RECK: variants seen among roughly 807,000 people sequenced by gnomAD.
The protein encoded by RECK is reversion inducing cysteine rich protein with kazal motifs.
Under a neutral mutation model 115.1 loss-of-function variants are expected in RECK, and 69 were observed. The observed-to-expected ratio is 0.60, with a 90% CI of 0.49 to 0.73. RECK has a LOEUF of 0.73. RECK is among the 30% of genes least tolerant of loss of function. RECK has a pLI of 0.00. For missense variants in RECK, 1,047 were observed against 1,203.7 expected, an observed-to-expected ratio of 0.87 and a Z score of 1.93; for synonymous variants, 414 against 419.7, an observed-to-expected ratio of 0.99 and a Z score of 0.17.
intron 18 of RECK, 134 bp downstream of exon 18, chr9:36,119,101 TACTC>T: frequency 1.2e-6 from 1 of 858,874 alleles, no homozygotes; most frequent in South Asian, 1.8e-5. Context: ...ATGCTGATCA[TACTC>T]ACTACTTTGG....
chr9:36,065,758 A>C (rs1366874305), intron 6 of RECK, 134 bp downstream of exon 6: 1 of 600,574 alleles, frequency 1.7e-6, no homozygotes, highest in East Asian at 3.5e-5. Flanking sequence ...TGCATTGACA[A>C]AAATGTCATT....
intron 13 of RECK, 22 bp downstream of exon 13, chr9:36,105,305 G>A (rs200257215): frequency 4.5e-5 from 72 of 1,612,812 alleles, no homozygotes; most frequent in Non-Finnish European, 5.7e-5. Context: ...GTGGGTGTGA[G>A]AAGAGGATGG....
chr9:36,085,983 A>G (rs1364909074), intron 8 of RECK: 1 of 152,012 alleles, frequency 6.6e-6, no homozygotes, highest in Non-Finnish European at 1.5e-5. Context: ...AAAAGCAGAA[A>G]GAGGTTTTAA....
intron 1 of RECK, among the ~76,000 whole-genome samples, chr9:36,048,246 A>G (rs1028302324): frequency 1.3e-5 from 2 of 150,116 alleles, no homozygotes; most frequent in African/African-American, 2.5e-5. Context: ...TGACTTGCCA[A>G]TTCTAGACAG....
intron 10 of RECK, among the ~76,000 whole-genome samples, chr9:36,095,967 C>A (rs1588322206): frequency 6.7e-6 from 1 of 149,596 alleles, no homozygotes; most frequent in Non-Finnish European, 1.5e-5. Context: ...ACTTGGGAGG[C>A]TGAGGCAGGA....
chr9:36,037,565 G>A (rs1343947346), intron 1 of RECK, among the ~76,000 whole-genome samples: 1 of 151,890 alleles, frequency 6.6e-6, no homozygotes, highest in African/African-American at 2.4e-5. Context: ...CCCACAGCCC[G>A]CGTGGTGGGT....
At chr9:36,096,464 G>A (rs552967902) in intron 10 of RECK, among the ~76,000 whole-genome samples, 1 of 152,216 alleles carries the variant, frequency 6.6e-6, no homozygotes, top group South Asian at 2.1e-4. Flanking sequence ...TTGAACCCGG[G>A]AGGTGGAGGT....
chr9:36,118,494 C>CT (rs1214016054), intron 17 of RECK, among the ~76,000 whole-genome samples: 1 of 152,132 alleles, frequency 6.6e-6, no homozygotes, highest in Non-Finnish European at 1.5e-5. Context: ...ATTTTTATCT[C>CT]TTATCAGTTC....
intron 14 of RECK, among the ~76,000 whole-genome samples, chr9:36,109,525 A>G (rs1004336529): frequency 1.3e-5 from 2 of 152,212 alleles, no homozygotes; most frequent in African/African-American, 4.8e-5. Context: ...ATTTTACTCT[A>G]GTTGGTATAT....
chr9:36,054,024 T>G lies in RECK; in HGVS notation c.159+1701T>G, dbSNP rs1208630684. Among the ~76,000 whole-genome samples the G allele has an allele frequency of 5.3e-5, 8 of 152,304 alleles. No homozygotes were observed. In the East Asian group the frequency reaches 1.5e-3, roughly 29 times the overall value. Reference sequence around the variant, plus strand: ...AGGGCTGTGTTACATATGTTTACTTTCCCCTACTAAACTCAATGGTCGGCT... The same window carrying G: ...AGGGCTGTGTTACATATGTTTACTTGCCCCTACTAAACTCAATGGTCGGCT... On this transcript the variant is annotated intron_variant, in intron 2 of 20. Transcript: ENST00000377966.
At chr9:36,117,568 C>T (rs1198410271) in intron 17 of RECK, among the ~76,000 whole-genome samples, 1 of 152,242 alleles carries the variant, frequency 6.6e-6, no homozygotes, top group African/African-American at 2.4e-5. Flanking sequence ...ACTCTTCCCA[C>T]ATCAGTCCCA....
chr9:36,114,214 G>C (rs1377003776), intron 16 of RECK, among the ~76,000 whole-genome samples: 1 of 152,192 alleles, frequency 6.6e-6, no homozygotes, highest in Middle Eastern at 3.2e-3. Context: ...TGGCCATAAT[G>C]AATTCCAGGG....
intron 1 of RECK, among the ~76,000 whole-genome samples, chr9:36,048,035 T>G (rs1463555003): frequency 6.6e-6 from 1 of 150,732 alleles, no homozygotes; most frequent in African/African-American, 2.5e-5. Context: ...TAAAAAAAGT[T>G]CTACTTTTAT....
intron 1 of RECK, among the ~76,000 whole-genome samples, chr9:36,050,626 G>A (rs552646581): frequency 6.6e-6 from 1 of 152,208 alleles, no homozygotes; most frequent in South Asian, 2.1e-4. Context: ...AAACCCGTGG[G>A]TGGTTTTCCA....
intron 3 of RECK, 78 bp from the exon 4 acceptor site, chr9:36,060,041 A>G (rs1564105583): frequency 7.5e-7 from 1 of 1,340,850 alleles, no homozygotes; most frequent in Non-Finnish European, 1.1e-6. Flanking sequence ...TTAGCTGTTC[A>G]TAATTTCTGT....
At chr9:36,089,695 A>G (rs1013616625) in intron 9 of RECK, among the ~76,000 whole-genome samples, 6 of 152,218 alleles carry the variant, frequency 3.9e-5, no homozygotes, top group South Asian at 4.1e-4. Context: ...TGTATAAGGT[A>G]TATATGAACA....
chr9:36,074,292 A>G (rs568078708), intron 6 of RECK, among the ~76,000 whole-genome samples: 1 of 152,192 alleles, frequency 6.6e-6, no homozygotes, highest in African/African-American at 2.4e-5. Flanking sequence ...TCATATAATT[A>G]TCTTTGTCTC....
chr9:36,109,758 C>T (rs1355964356), intron 14 of RECK, among the ~76,000 whole-genome samples, 199 bp from the exon 15 acceptor site: 1 of 151,790 alleles, frequency 6.6e-6, no homozygotes. Flanking sequence ...GTGGGAGGAT[C>T]ACCTGAGCCC....
Position 36,105,259 on chromosome 9 carries a change from TG to T in RECK, c.1553del (p.Cys518PhefsTer25). 1 of 1,614,136 alleles carries T rather than the reference TG, an allele frequency of 6.2e-7. No individual in the cohort carries two copies. The highest frequency in any genetic ancestry group is 8.5e-7 in the Non-Finnish European group (1 of 1,179,984). Reference protein sequence around the residue: ...NRKGCPSGDPCLPYFCVQGCK... With the variant: ...NRKGCPSGDPXLPYFCVQGCK... Reference sequence around the variant, plus strand: ...AAAAGGATGTCCATCTGGAGATCCCTGTCTTCCATACTTTTGTGTTCAAGGT... The same window carrying T: ...AAAAGGATGTCCATCTGGAGATCCCTTCTTCCATACTTTTGTGTTCAAGGT... On this transcript the variant is annotated frameshift_variant, in exon 13 of 21. Transcript: ENST00000377966. LOFTEE classifies it high-confidence loss of function.
Sources: gnomAD v4.1 joint callset for allele counts (sites outside exome capture counted in the v4.1 genomes callset) on GRCh38, gnomAD v4.1.1 for gene constraint, MANE v1.5 for transcripts, NCBI Gene and HGNC (gene_info 2026-07-23, HGNC 2026-07-21) for gene names.